The following NFU1 variants were observed in gnomAD, a reference collection of about 807,000 sequenced individuals.
NFU1 encodes NFU1 iron-sulfur cluster scaffold homolog, mitochondrial.
NFU1 carries 30 observed loss-of-function variants against 32.2 expected under a neutral mutation model. The observed-to-expected ratio is 0.93, with a 90% CI of 0.70 to 1.26. NFU1 has a LOEUF of 1.26. Among genes scored for constraint, NFU1 ranks in the 50% most tolerant of loss-of-function variants. NFU1 has a pLI of 0.00. For synonymous variants in NFU1, 112 were observed against 104.6 expected (o/e 1.07, Z -0.43); for missense variants, 306 against 306.6 (o/e 1.00, Z 0.02).
intron 5 of NFU1, among the ~76,000 whole-genome samples, chr2:69,414,873 T>TAA (rs1673001609): frequency 6.6e-6 from 1 of 152,136 alleles, no homozygotes; most frequent in Non-Finnish European, 1.5e-5. Flanking sequence ...TGGCAAAAGA[T>TAA]AACATTTGTT....
intron 6 of NFU1, among the ~76,000 whole-genome samples, chr2:69,401,200 C>G (rs769968969): frequency 6.6e-6 from 1 of 152,068 alleles, no homozygotes; most frequent in Admixed American, 6.5e-5. Context: ...TTATAACCAC[C>G]CAAACCAAGA....
intron 6 of NFU1, among the ~76,000 whole-genome samples, chr2:69,404,615 AT>A (rs534309730): frequency 0.02 from 1,433 of 72,964 alleles, 40 homozygotes; most frequent in African/African-American, 0.073. Context: ...ATCTTAGCAA[AT>A]TTTTTTTTTT....
chr2:69,405,243 A>G (rs2104747736), intron 6 of NFU1, among the ~76,000 whole-genome samples: 1 of 152,286 alleles, frequency 6.6e-6, no homozygotes, highest in East Asian at 1.9e-4. Flanking sequence ...GTCTTAAAAA[A>G]AAACCAAAAA....
At chr2:69,416,911 A>C (rs80224464) in intron 4 of NFU1, among the ~76,000 whole-genome samples, 1,940 of 152,328 alleles carry the variant, frequency 0.013, 13 homozygotes, top group Non-Finnish European at 0.019. Flanking sequence ...AAACAAAAAA[A>C]GGAAACAATA....
rs996994212 is a variant in NFU1, at chr2:69,432,021, C to G, written c.63-16G>C. The stretch of plus-strand genomic sequence containing the variant: ...ATGACAGAACCTGCATTTAAAAGCA[C>G]ATAATGAATGACATTTTAAGAGCTC... On this transcript the variant is annotated splice_polypyrimidine_tract_variant and intron_variant, in intron 1 of 7. Coordinates refer to ENST00000410022, the MANE Select transcript of NFU1 (RefSeq NM_001002755.4). 1 of 1,518,776 alleles carries G rather than the reference C, an allele frequency of 6.6e-7. No individual in the cohort carries two copies. The highest frequency in any genetic ancestry group is 1.4e-5 in the African/African-American group (1 of 73,166). The allele number at this position is 1,518,776 out of a possible 1,614,324, so 94.1% of individuals were successfully genotyped here.
chr2:69,434,148 TC>T (rs200335196), intron 1 of NFU1, among the ~76,000 whole-genome samples: 7 of 150,352 alleles, frequency 4.7e-5, no homozygotes, highest in Non-Finnish European at 5.9e-5. Flanking sequence ...CTTTTTTTTT[TC>T]TTTTTTTTTT....
At chr2:69,435,967 C>T (rs1353439685) in intron 1 of NFU1, among the ~76,000 whole-genome samples, 1 of 149,860 alleles carries the variant, frequency 6.7e-6, no homozygotes, top group Non-Finnish European at 1.5e-5. Context: ...TGGTCTCGAA[C>T]TCCTGACCTC....
At chr2:69,422,292 A>G (rs569727956) in intron 3 of NFU1, among the ~76,000 whole-genome samples, 1 of 152,148 alleles carries the variant, frequency 6.6e-6, no homozygotes, top group Non-Finnish European at 1.5e-5. Flanking sequence ...AAAACTGATG[A>G]ATTGTTTATT....
chr2:69,437,191 C>T (rs894026189), intron 1 of NFU1, 170 bp downstream of exon 1: 38 of 1,406,318 alleles, frequency 2.7e-5, no homozygotes, highest in African/African-American at 2.5e-4. Flanking sequence ...GCGCCGAGCT[C>T]CCGCACAGAC....
At chr2:69,416,574 A>C (rs949100052) in intron 4 of NFU1, among the ~76,000 whole-genome samples, 14 of 151,950 alleles carry the variant, frequency 9.2e-5, no homozygotes, top group African/African-American at 3.4e-4. Context: ...CTATTCAAAA[A>C]ATTTACTTAT....
intron 6 of NFU1, 28 bp downstream of exon 6, chr2:69,405,994 G>A: frequency 6.8e-7 from 1 of 1,472,826 alleles, no homozygotes; most frequent in South Asian, 1.1e-5. Context: ...CAAAGCACTT[G>A]AATTCAGGTA....
At chr2:69,434,767 A>G (rs561265301) in intron 1 of NFU1, among the ~76,000 whole-genome samples, 2 of 152,312 alleles carry the variant, frequency 1.3e-5, no homozygotes, top group South Asian at 4.1e-4. Context: ...GATTTGCAAT[A>G]AAGAGTTTAA....
chr2:69,438,456 A>C (rs1324806327), upstream of NFU1, among the ~76,000 whole-genome samples: 1 of 151,990 alleles, frequency 6.6e-6, no homozygotes, highest in Non-Finnish European at 1.5e-5. Context: ...TTTGTAGAGA[A>C]GAGGTCTCCC....
At chr2:69,437,151 C>T in intron 1 of NFU1, 1 of 1,124,480 alleles carries the variant, frequency 8.9e-7, no homozygotes, top group Non-Finnish European at 1.2e-6. Flanking sequence ...GAGGAAGCTC[C>T]AGAGAGTCCG....
intron 7 of NFU1, among the ~76,000 whole-genome samples, 168 bp from the exon 8 acceptor site, chr2:69,396,458 C>G (rs190252346): frequency 6.6e-6 from 1 of 152,148 alleles, no homozygotes; most frequent in African/African-American, 2.4e-5. Context: ...TGAATCATAA[C>G]CCGGTATCCT....
intron 1 of NFU1, among the ~76,000 whole-genome samples, chr2:69,435,037 A>G (rs1673782701): frequency 6.6e-6 from 1 of 152,202 alleles, no homozygotes; most frequent in African/African-American, 2.4e-5. Flanking sequence ...TTTCTGCAGG[A>G]GTAATTGGGG....
intron 7 of NFU1, 147 bp from the exon 8 acceptor site, chr2:69,396,437 A>G: frequency 1.7e-6 from 1 of 593,918 alleles, no homozygotes; most frequent in Non-Finnish European, 2.9e-6. Flanking sequence ...ACAGCCCCAA[A>G]GAACAAGGTT....
chr2:69,429,193 C>A (rs1673558909), intron 2 of NFU1, among the ~76,000 whole-genome samples: 1 of 152,210 alleles, frequency 6.6e-6, no homozygotes, highest in African/African-American at 2.4e-5. Flanking sequence ...CTGAACCAAT[C>A]ATTTCTTGCA....
intron 2 of NFU1, among the ~76,000 whole-genome samples, chr2:69,426,453 T>C (rs1673457765): frequency 1.3e-5 from 2 of 151,712 alleles, no homozygotes; most frequent in Admixed American, 6.6e-5. Flanking sequence ...GCCCAGCTAA[T>C]TTTTGTATTT....
Sources: allele counts gnomAD v4.1 joint callset (sites outside exome capture counted in the v4.1 genomes callset), GRCh38; gene constraint gnomAD v4.1.1; transcripts MANE v1.5; gene names NCBI Gene and HGNC (gene_info 2026-07-23, HGNC 2026-07-21).